Variants in TRIM69 observed in about 807,000 individuals in gnomAD.
TRIM69 encodes tripartite motif containing 69.
Under a neutral mutation model 37.7 loss-of-function variants are expected in TRIM69, and 29 were observed. That is an observed-to-expected ratio of 0.77 (90% CI 0.57 to 1.05). TRIM69 has a LOEUF of 1.05. Among genes scored for constraint, TRIM69 ranks in the 50% least tolerant of loss-of-function variants. The probability of loss-of-function intolerance (pLI) is 0.00; values close to 1 mark genes in which losing one functional copy is unlikely to be tolerated. For missense variants in TRIM69, 596 were observed against 579.9 expected, an observed-to-expected ratio of 1.03 and a Z score of -0.28; for synonymous variants, 209 against 212.4, an observed-to-expected ratio of 0.98 and a Z score of 0.14.
chr15:44,750,152 A>G (rs558916467), intron 1 of TRIM69, among the ~76,000 whole-genome samples: 1 of 152,282 alleles, frequency 6.6e-6, no homozygotes, highest in South Asian at 2.1e-4. Flanking sequence ...ATTTGCAAAT[A>G]TTTTCTTCCA....
intron 1 of TRIM69, chr15:44,754,587 C>G: frequency 3.4e-6 from 1 of 298,334 alleles, no homozygotes; most frequent in East Asian, 6.1e-5. Context: ...ACTAGTAGAG[C>G]AGAAGTTGAA....
rs2087621683 is a variant in TRIM69 at position 44,755,294 on chromosome 15, G to T, written c.401G>T (p.Cys134Phe). 2 of 1,614,176 alleles carry T rather than the reference G, an allele frequency of 1.2e-6. No individual in the cohort carries two copies. Among genetic ancestry groups the T allele is most frequent in the South Asian group, 2.2e-5 (2 of 91,074 alleles). The change falls in exon 2 of 7, where the codon TGC becomes TTC. Residue 134 changes from cysteine (C) to phenylalanine (F), a missense_variant. Transcript: ENST00000329464. ...LFSKPDGKLI[C>F]FQCKDARLSV... ...AGTAAACCAGATGGGAAACTGATCT[G>T]CTTTCAATGCAAGGATGCTCGGTTG...
chr15:44,755,095 T>G lies in TRIM69; in HGVS notation c.202T>G (p.Phe68Val), dbSNP rs1280407819. Residue 68 changes from phenylalanine (F) to valine (V), a missense_variant, in exon 2 of 7, where the codon TTT (phenylalanine) becomes GTT (valine). Phe to Val is a conservative substitution (Grantham distance 50). Transcript: ENST00000329464. The stretch of plus-strand genomic sequence containing the variant: ...CTTCTGTGAAGCCTGTATCCAAGAC[T>G]TTTGGAGGCTGCAAGCAAAGGAAAC... ...HNFCEACIQDFWRLQAKETFC... is the reference protein window; with the variant it reads ...HNFCEACIQDVWRLQAKETFC... 2 of 1,614,180 alleles carry G rather than the reference T, an allele frequency of 1.2e-6. No homozygotes were observed. Among genetic ancestry groups the G allele is most frequent in the South Asian group, 2.2e-5 (2 of 91,078 alleles).
In TRIM69 at chr15:44,767,478, C is replaced by A. The variant is rs989739699; in HGVS notation, c.1209C>A (p.Gly403=). The change falls in exon 7 of 7, where the codon GGC becomes GGA. Residue 403 remains glycine, a synonymous_variant. Transcript: ENST00000329464. ...TCAGAGAATCCATCATTCGGAAGGG[C>A]AGCTGTCCTCTAACTCCTGAGCAAG... ...GVVRESIIRK[G]SCPLTPEQGF... is the part of the protein sequence containing the mutation. 2 of 1,614,210 alleles carry A rather than the reference C, an allele frequency of 1.2e-6. No individual in the cohort carries two copies. The highest frequency in any genetic ancestry group is 1.7e-6 in the Non-Finnish European group (2 of 1,180,026).
rs759166153 is a variant in TRIM69, at chr15:44,755,251, G to A, written c.358G>A (p.Glu120Lys). The A allele has an allele frequency of 1.2e-6, 2 of 1,614,200 alleles. No homozygotes were observed. Among genetic ancestry groups the A allele is most frequent in the South Asian group, 1.1e-5 (1 of 91,078 alleles). Residue 120 changes from glutamate (E) to lysine (K), a missense_variant, in exon 2 of 7, where the codon GAG (glutamate) becomes AAG (lysine). Coordinates refer to ENST00000329464, the MANE Select transcript of TRIM69 (RefSeq NM_182985.5). ...KGHPQCPEHG[E>K]NLKLFSKPDG... ...CCATCCACAGTGCCCAGAGCATGGA[G>A]AGAACCTGAAACTGTTCAGTAAACC...
chr15:44,752,375 T>C (rs2087553556), intron 1 of TRIM69, among the ~76,000 whole-genome samples: 1 of 152,184 alleles, frequency 6.6e-6, no homozygotes, highest in Non-Finnish European at 1.5e-5. Flanking sequence ...ATATCCTTCT[T>C]TGTATTCTTG....
chr15:44,748,112 T>G (rs2087445541), intron 1 of TRIM69, among the ~76,000 whole-genome samples: 2 of 152,198 alleles, frequency 1.3e-5, no homozygotes, highest in Admixed American at 1.3e-4. Context: ...TGAGCTCCAG[T>G]TTTCCTCTCA....
intron 6 of TRIM69, among the ~76,000 whole-genome samples, chr15:44,763,798 G>A (rs1009346029): frequency 2.6e-5 from 4 of 152,102 alleles, no homozygotes; most frequent in Non-Finnish European, 1.5e-5. Flanking sequence ...TCCTTCTGAG[G>A]CTTAAATAAA....
chr15:44,739,122 C>A lies in TRIM69; in HGVS notation c.6+2412C>A, dbSNP rs532992094. ...TACAATTATCACCACTATCTAATTC[C>A]AGAACATTTTCATTATCCCCAAAAG... On this transcript the variant is annotated intron_variant, in intron 1 of 6. Transcript: ENST00000329464. 4.6e-5 allele frequency among the ~76,000 whole-genome samples: 7 copies of A among 152,194 alleles called. No homozygotes were observed. The South Asian group carries it at 1.5e-3, about 32-fold the overall frequency.
rs757541945 is a variant in TRIM69 at position 44,755,124 on chromosome 15, C to G, written c.231C>G (p.Phe77Leu). 2 of 1,614,204 alleles carry G rather than the reference C, an allele frequency of 1.2e-6. No individual in the cohort carries two copies. The highest frequency in any genetic ancestry group is 2.7e-5 in the African/African-American group (2 of 75,050). ...GGAGGCTGCAAGCAAAGGAAACATT[C>G]TGTCCTGAGTGTAAGATGCTATGTC... is the stretch of plus-strand genomic sequence containing the variant. ...DFWRLQAKET[F>L]CPECKMLCQY... Residue 77 changes from phenylalanine to leucine, a missense_variant, in exon 2 of 7, where the codon TTC becomes TTG. By Grantham distance (22) the Phe-to-Leu change is conservative. Transcript: ENST00000329464.
At chr15:44,744,041 G>C (rs2087349586) in intron 1 of TRIM69, among the ~76,000 whole-genome samples, 1 of 151,914 alleles carries the variant, frequency 6.6e-6, no homozygotes, top group African/African-American at 2.4e-5. Flanking sequence ...CAATAACAAA[G>C]ACTTGGAACC....
intron 1 of TRIM69, among the ~76,000 whole-genome samples, chr15:44,742,231 A>C (rs1331892332): frequency 6.6e-6 from 1 of 150,502 alleles, no homozygotes; most frequent in Non-Finnish European, 1.5e-5. Flanking sequence ...TGATTATCTC[A>C]ATAGATGCAG....
chr15:44,752,619 T>C (rs575195831), intron 1 of TRIM69, among the ~76,000 whole-genome samples: 8 of 152,204 alleles, frequency 5.3e-5, no homozygotes, highest in Non-Finnish European at 1.2e-4. Context: ...CTATTTCGTC[T>C]AAAGTAATTA....
In TRIM69 at chr15:44,763,266, TG is replaced by T. The variant is rs138394974; in HGVS notation, c.961+3395del. Among the ~76,000 whole-genome samples the T allele has an allele frequency of 8.5e-4, 130 of 152,372 alleles. 1 individual carries two copies. Among genetic ancestry groups the T allele is most frequent in the Middle Eastern group, 6.8e-3 (2 of 294 alleles). ...TTTGAGGAGTACTGGTCATATATTT[TG>T]TAAGGATGCTGCACTATTGCAATTT... On this transcript the variant is annotated intron_variant, in intron 6 of 6. Transcript: ENST00000329464.
Position 44,736,717 on chromosome 15 carries a change from G to GA in TRIM69, c.6+8dup, listed in dbSNP as rs1485718853. ...GGGCTGAAGCTTCATGGAGGTGAGT[G>GA]ACCCTTTTTTTTTTTAACTTAGCAG... is the stretch of plus-strand genomic sequence containing the variant. On this transcript the variant is annotated splice_region_variant and intron_variant, in intron 1 of 6. Transcript: ENST00000329464. The GA allele has an allele frequency of 7.9e-6, 12 of 1,510,160 alleles. No individual in the cohort carries two copies. The highest frequency in any genetic ancestry group is 1.1e-5 in the Non-Finnish European group (12 of 1,129,962). The allele number at this position is 1,510,160 out of a possible 1,614,324, so 93.5% of individuals were successfully genotyped here.
intron 1 of TRIM69, among the ~76,000 whole-genome samples, chr15:44,751,057 G>A (rs575863987): frequency 2.1e-5 from 3 of 141,452 alleles, no homozygotes; most frequent in East Asian, 4.4e-4. Flanking sequence ...CCAGGCTCAC[G>A]TGATTCTCCC....
At chr15:44,757,034 A>T (rs1238454510) in intron 3 of TRIM69, 1 of 152,202 alleles carries the variant, frequency 6.6e-6, no homozygotes, top group Admixed American at 6.5e-5. Flanking sequence ...CTAAATTGGA[A>T]GTTCTGTTTC....
At position 44,767,248 on chromosome 15, in the gene TRIM69, C is replaced by T; in HGVS notation, c.979C>T (p.Leu327=). 1 of 1,613,748 alleles carries T rather than the reference C, an allele frequency of 6.2e-7. No individual in the cohort carries two copies. Among genetic ancestry groups the T allele is most frequent in the South Asian group, 1.1e-5 (1 of 91,040 alleles). Residue 327 remains leucine (L), a synonymous_variant, in exon 7 of 7, where the codon CTG becomes TTG. Coordinates refer to ENST00000329464, the MANE Select transcript of TRIM69 (RefSeq NM_182985.5). ...TLCPGLSPLT[L]DPKTAHPNLV... ...CTTACTAGGCCTGTCTCCACTAACTCTGGACCCTAAAACAGCTCACCCAAA... is the reference window on the plus strand; with the variant it reads ...CTTACTAGGCCTGTCTCCACTAACTTTGGACCCTAAAACAGCTCACCCAAA...
Position 44,758,534 on chromosome 15 carries a change from C to G in TRIM69, c.580-87C>G, listed in dbSNP as rs187971265. 2.5e-4 allele frequency: 388 copies of G among 1,543,192 alleles called. 3 individuals are homozygous for G. In the African/African-American group the frequency reaches 5.0e-3, roughly 20 times the overall value. On this transcript the variant is annotated intron_variant, in intron 3 of 6. Coordinates refer to ENST00000329464, the MANE Select transcript of TRIM69 (RefSeq NM_182985.5). The stretch of plus-strand genomic sequence containing the variant: ...TGCATTTTTCTGTGATGGTATTTAC[C>G]AAGTGTGTGAGTGTTGGTGGTGTGG...
Sources: gnomAD v4.1 joint callset for allele counts (sites outside exome capture counted in the v4.1 genomes callset) on GRCh38, gnomAD v4.1.1 for gene constraint, MANE v1.5 for transcripts, NCBI Gene and HGNC (gene_info 2026-07-23, HGNC 2026-07-21) for gene names.